Variants in NDUFA5 observed in about 807,000 individuals in gnomAD.
NDUFA5 encodes NADH dehydrogenase [ubiquinone] 1 alpha subcomplex subunit 5.
NDUFA5 carries 11 observed loss-of-function variants against 19.8 expected under a neutral mutation model. That is an observed-to-expected ratio of 0.56 (90% CI 0.35 to 0.92). NDUFA5 has a LOEUF of 0.92. Among genes scored for constraint, NDUFA5 ranks in the 40% least tolerant of loss-of-function variants. NDUFA5 has a pLI of 0.01. For missense variants in NDUFA5, 109 were observed against 134.2 expected, an observed-to-expected ratio of 0.81 and a Z score of 0.93; for synonymous variants, 47 against 46.8, an observed-to-expected ratio of 1.00 and a Z score of -0.01.
intron 3 of NDUFA5, among the ~76,000 whole-genome samples, chr7:123,546,422 C>A (rs1287598066): frequency 6.6e-6 from 1 of 152,006 alleles, no homozygotes; most frequent in African/African-American, 2.4e-5. Flanking sequence ...CTGGAAAAGT[C>A]CTTTTTTTCT....
chr7:123,564,043 T>C, the NDUFA5 span, among the ~76,000 whole-genome samples: 1 of 152,236 alleles, frequency 6.6e-6, no homozygotes, highest in East Asian at 1.9e-4. Flanking sequence ...ACAACTTAAA[T>C]TGTAAAACAA....
the NDUFA5 span, among the ~76,000 whole-genome samples, chr7:123,588,520 C>CCTTT: frequency 2.0e-4 from 30 of 149,648 alleles, no homozygotes; most frequent in African/African-American, 4.4e-4. Flanking sequence ...CTCTGATTTT[C>CCTTT]CTTTCTTTCT....
At chr7:123,575,890 T>C in the NDUFA5 span, among the ~76,000 whole-genome samples, 137 of 150,450 alleles carry the variant, frequency 9.1e-4, no homozygotes, top group Non-Finnish European at 5.0e-4. Context: ...TACTTTTCCC[T>C]GGCATGCATA....
At chr7:123,564,407 C>T in the NDUFA5 span, among the ~76,000 whole-genome samples, 1 of 152,130 alleles carries the variant, frequency 6.6e-6, no homozygotes, top group Non-Finnish European at 1.5e-5. Context: ...AAAGTTCTTA[C>T]ACCTTGCAAT....
At chr7:123,570,454 T>C in the NDUFA5 span, among the ~76,000 whole-genome samples, 1 of 152,056 alleles carries the variant, frequency 6.6e-6, no homozygotes, top group South Asian at 2.1e-4. Flanking sequence ...TGGTATAATA[T>C]TCATGTGAGT....
chr7:123,577,070 G>A, the NDUFA5 span, among the ~76,000 whole-genome samples: 2 of 152,078 alleles, frequency 1.3e-5, no homozygotes, highest in Non-Finnish European at 2.9e-5. Context: ...AACATTTGTA[G>A]TTATAAAAAT....
At chr7:123,601,541 A>T in the NDUFA5 span, among the ~76,000 whole-genome samples, 1 of 152,210 alleles carries the variant, frequency 6.6e-6, no homozygotes, top group Non-Finnish European at 1.5e-5. Context: ...TGTCTCTTGA[A>T]CAAATACCTT....
intron 3 of NDUFA5, chr7:123,546,679 C>G (rs117522587): frequency 1.6e-6 from 2 of 1,288,036 alleles, no homozygotes; most frequent in Non-Finnish European, 2.0e-6. Context: ...CAACACAAGA[C>G]GTGATATGTT....
At chr7:123,560,781 A>C (rs1798678436), upstream of NDUFA5, among the ~76,000 whole-genome samples, 1 of 152,142 alleles carries the variant, frequency 6.6e-6, no homozygotes, top group Non-Finnish European at 1.5e-5. Context: ...ACCTCATCTA[A>C]ACCTAATTAT....
intron 1 of NDUFA5, 43 bp from the exon 2 acceptor site, chr7:123,557,491 T>G (rs1798603406): frequency 3.1e-6 from 5 of 1,612,886 alleles, no homozygotes; most frequent in Non-Finnish European, 4.2e-6. Context: ...TACTACGGTT[T>G]CCATACATCC....
the NDUFA5 span, among the ~76,000 whole-genome samples, chr7:123,567,605 G>A: frequency 1.3e-5 from 2 of 152,070 alleles, no homozygotes; most frequent in Admixed American, 6.5e-5. Context: ...ATTCTGGAGC[G>A]CTCCTCCACA....
At chr7:123,580,091 G>A in the NDUFA5 span, among the ~76,000 whole-genome samples, 1 of 152,022 alleles carries the variant, frequency 6.6e-6, no homozygotes, top group East Asian at 1.9e-4. Context: ...AATTCATGGA[G>A]ATGGAGAAGG....
chr7:123,575,427 CAT>C, the NDUFA5 span, among the ~76,000 whole-genome samples: 6 of 152,222 alleles, frequency 3.9e-5, no homozygotes, highest in East Asian at 5.8e-4. Context: ...AGATATTCCA[CAT>C]GAGGCAATCA....
At chr7:123,577,251 G>T in the NDUFA5 span, among the ~76,000 whole-genome samples, 4 of 151,958 alleles carry the variant, frequency 2.6e-5, no homozygotes, top group African/African-American at 9.7e-5. Context: ...CCATGATTTT[G>T]CATTTTATTA....
At chr7:123,591,472 C>A in the NDUFA5 span, among the ~76,000 whole-genome samples, 1 of 152,136 alleles carries the variant, frequency 6.6e-6, no homozygotes, top group Admixed American at 6.6e-5. Flanking sequence ...GAAACACATT[C>A]CATCAACATC....
the NDUFA5 span, among the ~76,000 whole-genome samples, chr7:123,568,374 G>T: frequency 7.9e-5 from 12 of 151,900 alleles, no homozygotes; most frequent in African/African-American, 2.9e-4. Context: ...TACAAAATTA[G>T]CCGGGCATGG....
At chr7:123,580,258 G>A in the NDUFA5 span, among the ~76,000 whole-genome samples, 2 of 152,140 alleles carry the variant, frequency 1.3e-5, no homozygotes, top group Admixed American at 1.3e-4. Context: ...TGCTAAGGTG[G>A]CAGATGAAGT....
At chr7:123,600,441 C>A in the NDUFA5 span, among the ~76,000 whole-genome samples, 2 of 152,130 alleles carry the variant, frequency 1.3e-5, no homozygotes, top group Non-Finnish European at 2.9e-5. Flanking sequence ...GTGTTAGGTG[C>A]ACATTTTCCC....
At chr7:123,571,424 T>C in the NDUFA5 span, among the ~76,000 whole-genome samples, 1 of 152,242 alleles carries the variant, frequency 6.6e-6, no homozygotes, top group Non-Finnish European at 1.5e-5. Context: ...ATTTGGACTT[T>C]CATTTCATTA....
Sources: gnomAD v4.1 joint callset for allele counts (sites outside exome capture counted in the v4.1 genomes callset) on GRCh38, gnomAD v4.1.1 for gene constraint, MANE v1.5 for transcripts, NCBI Gene and HGNC (gene_info 2026-07-23, HGNC 2026-07-21) for gene names.